TTC27: variants seen among roughly 807,000 people sequenced by gnomAD.
The protein encoded by TTC27 is tetratricopeptide repeat protein 27.
In TTC27, 79 loss-of-function variants were observed where a neutral mutation model predicts 115.9. That is an observed-to-expected ratio of 0.68 (90% confidence interval 0.57 to 0.82). The LOEUF is 0.82. TTC27 is among the 40% of genes least tolerant of loss of function. TTC27 has a pLI of 0.00. For missense variants in TTC27, 1,054 were observed against 993.1 expected (o/e 1.06, Z -0.82); for synonymous variants, 401 against 356.0 (o/e 1.13, Z -1.42).
In TTC27 at chr2:32,811,011, G is replaced by A. The variant is rs761578356; in HGVS notation, c.1999-13G>A. On this transcript the variant is annotated splice_polypyrimidine_tract_variant and intron_variant, in intron 16 of 19. Coordinates refer to ENST00000317907, the MANE Select transcript of TTC27 (RefSeq NM_017735.5). Reference sequence around the variant, plus strand: ...GGTTTCTAACTTACCAGTTTGTTCTGTGCATTTTTAAGGTCCTTAAAATTC... The same window carrying A: ...GGTTTCTAACTTACCAGTTTGTTCTATGCATTTTTAAGGTCCTTAAAATTC... 6.2e-7 allele frequency: 1 copy of A among 1,613,862 alleles called. No individual in the cohort carries two copies. The highest frequency in any genetic ancestry group is 8.5e-7 in the Non-Finnish European group (1 of 1,179,792).
At chr2:32,772,367 C>T (rs1669857958) in intron 13 of TTC27, among the ~76,000 whole-genome samples, 1 of 152,106 alleles carries the variant, frequency 6.6e-6, no homozygotes, top group South Asian at 2.1e-4. Context: ...GATTCCCTTC[C>T]AGTTCTTCAA....
At chr2:32,772,150 A>G (rs908767222) in intron 13 of TTC27, among the ~76,000 whole-genome samples, 1 of 152,220 alleles carries the variant, frequency 6.6e-6, no homozygotes, top group Non-Finnish European at 1.5e-5. Context: ...AGTGGTGCTT[A>G]GTTTTTGCTA....
At chr2:32,719,556 AGTAGTTTGG>A (rs1030953687) in intron 10 of TTC27, among the ~76,000 whole-genome samples, 1 of 152,226 alleles carries the variant, frequency 6.6e-6, no homozygotes, top group Non-Finnish European at 1.5e-5. Flanking sequence ...GCAGGAATGC[AGTAGTTTGG>A]GGCAGAGAGC....
At chr2:32,812,973 C>G (rs1671366594) in intron 18 of TTC27, among the ~76,000 whole-genome samples, 1 of 152,042 alleles carries the variant, frequency 6.6e-6, no homozygotes, top group South Asian at 2.1e-4. Flanking sequence ...TAACTTGACT[C>G]ACACATAGAT....
chr2:32,664,879 C>T (rs2151879657), intron 6 of TTC27, among the ~76,000 whole-genome samples: 1 of 151,454 alleles, frequency 6.6e-6, no homozygotes, highest in South Asian at 2.1e-4. Context: ...GTCGCCCAGG[C>T]TGGAGTGCAG....
At chr2:32,809,898 C>T (rs1331338777) in intron 16 of TTC27, among the ~76,000 whole-genome samples, 1 of 152,140 alleles carries the variant, frequency 6.6e-6, no homozygotes, top group African/African-American at 2.4e-5. Flanking sequence ...GCGGGTGGGT[C>T]ACGAGGTCAG....
At chr2:32,778,115 G>A in intron 14 of TTC27, 135 bp downstream of exon 14, 1 of 631,628 alleles carries the variant, frequency 1.6e-6, no homozygotes, top group Non-Finnish European at 2.6e-6. Flanking sequence ...CGTACCTCAA[G>A]GTATAGGATT....
intron 12 of TTC27, among the ~76,000 whole-genome samples, chr2:32,738,940 A>AT (rs1668536391): frequency 6.6e-6 from 1 of 152,200 alleles, no homozygotes; most frequent in Admixed American, 6.5e-5. Context: ...GAACTGCCAA[A>AT]TTTTTCTGAA....
At position 32,775,240 on chromosome 2, in the gene TTC27, C is replaced by T. The variant is rs978386902; in HGVS notation, c.1681-2642C>T. On this transcript the variant is annotated intron_variant, in intron 13 of 19. Transcript: ENST00000317907. ...TGAGACGGAGTCTCGCTCTGTCACC[C>T]GGGCTGGAGTGCAGTGGCGCCATCT... is the stretch of plus-strand genomic sequence containing the variant. 5.9e-5 allele frequency among the ~76,000 whole-genome samples: 9 copies of T among 152,274 alleles called. No homozygotes were observed. In the South Asian group the frequency reaches 8.3e-4, roughly 14 times the overall value.
rs535642142 is a variant in TTC27 at position 32,651,176 on chromosome 2, A to C, written c.640+943A>C. On this transcript the variant is annotated intron_variant, in intron 5 of 19. Coordinates refer to ENST00000317907, the MANE Select transcript of TTC27 (RefSeq NM_017735.5). ...CTTTCAGATCCAACAGTATGGAATG[A>C]ATATGTATGTGTGTGTCCAAGGGAC... Among the ~76,000 whole-genome samples the C allele has an allele frequency of 2.0e-4, 31 of 152,332 alleles. 1 individual carries two copies. In the South Asian group the frequency reaches 3.9e-3, roughly 19 times the overall value.
At chr2:32,682,781 G>A (rs549739003) in intron 9 of TTC27, among the ~76,000 whole-genome samples, 210 of 145,566 alleles carry the variant, frequency 1.4e-3, no homozygotes, top group Middle Eastern at 3.8e-3. Context: ...CGATTCTCCT[G>A]CCTCAGCTTC....
intron 9 of TTC27, among the ~76,000 whole-genome samples, chr2:32,702,020 A>AAAAAACAAAAAC (rs10685292): frequency 6.9e-6 from 1 of 145,492 alleles, no homozygotes; most frequent in African/African-American, 2.5e-5. Flanking sequence ...CAAAAAAAAA[A>AAAAAACAAAAAC]AAAAACAAAA....
intron 9 of TTC27, among the ~76,000 whole-genome samples, chr2:32,692,975 CAAAAAA>C (rs554664495): frequency 9.5e-6 from 1 of 105,472 alleles, no homozygotes; most frequent in Non-Finnish European, 2.0e-5. Flanking sequence ...GACTCTGTCT[CAAAAAA>C]AAAAAAAAAT....
chr2:32,754,119 G>T (rs956124563), intron 12 of TTC27, among the ~76,000 whole-genome samples: 11 of 150,108 alleles, frequency 7.3e-5, no homozygotes, highest in African/African-American at 2.7e-4. Flanking sequence ...AAAAATTAAA[G>T]AACTAATAAA....
At chr2:32,693,115 C>A (rs1427273511) in intron 9 of TTC27, among the ~76,000 whole-genome samples, 1 of 152,040 alleles carries the variant, frequency 6.6e-6, no homozygotes, top group Non-Finnish European at 1.5e-5. Context: ...TAATACAATC[C>A]TTAAGAAAGT....
chr2:32,708,301 C>CTTTTTTTTTTTTTTTTTTTTTTTT (rs1159740039), intron 10 of TTC27, among the ~76,000 whole-genome samples: 2 of 80,310 alleles, frequency 2.5e-5, no homozygotes, highest in South Asian at 5.2e-4. Context: ...TTTTCTCTAC[C>CTTTTTTTTTTTTTTTTTTTTTTTT]TTGTTTTTTT....
chr2:32,703,125 TA>T (rs1472930298), intron 10 of TTC27, among the ~76,000 whole-genome samples: 1 of 152,212 alleles, frequency 6.6e-6, no homozygotes, highest in Non-Finnish European at 1.5e-5. Flanking sequence ...ACTCGGTATT[TA>T]ACCTCTCCAA....
chr2:32,755,606 G>C (rs1211927426), intron 12 of TTC27, among the ~76,000 whole-genome samples: 1 of 140,598 alleles, frequency 7.1e-6, no homozygotes, highest in African/African-American at 2.6e-5. Flanking sequence ...TGGAAAGAGA[G>C]GGAGAGGGAG....
At chr2:32,756,601 G>C (rs1669240352) in intron 12 of TTC27, among the ~76,000 whole-genome samples, 1 of 152,182 alleles carries the variant, frequency 6.6e-6, no homozygotes, top group South Asian at 2.1e-4. Context: ...TCTTTTAAAA[G>C]AGTTCACAAA....
Sources: allele counts gnomAD v4.1 joint callset (sites outside exome capture counted in the v4.1 genomes callset), GRCh38; gene constraint gnomAD v4.1.1; transcripts MANE v1.5; gene names NCBI Gene and HGNC (gene_info 2026-07-23, HGNC 2026-07-21).